Variants in PTPRD observed in about 807,000 individuals in gnomAD.
PTPRD encodes receptor-type tyrosine-protein phosphatase delta.
In PTPRD, 34 loss-of-function variants were observed where a neutral mutation model predicts 214.5. The ratio of observed to expected loss-of-function variants is 0.16; its 90% CI spans 0.12 to 0.21. The LOEUF (loss-of-function observed/expected upper bound fraction) is 0.21. Among genes scored for constraint, PTPRD ranks in the 10% least tolerant of loss-of-function variants. The pLI, the probability that PTPRD is intolerant of heterozygous loss-of-function variation, is 1.00. For synonymous variants in PTPRD, 1,128 were observed against 845.7 expected (o/e 1.33, Z -5.79); for missense variants, 2,545 against 2,398.7 (o/e 1.06, Z -1.27).
At chr9:9,955,975 G>T (rs887559585) in intron 4 of PTPRD, among the ~76,000 whole-genome samples, 5 of 152,004 alleles carry the variant, frequency 3.3e-5, no homozygotes, top group Non-Finnish European at 7.4e-5. Context: ...GTGGTGGGGG[G>T]GATCTAAAAT....
intron 11 of PTPRD, among the ~76,000 whole-genome samples, chr9:8,913,865 T>C (rs1465110850): frequency 6.6e-6 from 1 of 152,180 alleles, no homozygotes; most frequent in Non-Finnish European, 1.5e-5. Flanking sequence ...GATTAAATCC[T>C]GGACCATCTA....
intron 9 of PTPRD, among the ~76,000 whole-genome samples, chr9:9,198,371 C>G (rs1486526704): frequency 6.6e-6 from 1 of 151,560 alleles, no homozygotes; most frequent in African/African-American, 2.4e-5. Context: ...GGAAATTAAC[C>G]CTTATGTGAG....
intron 39 of PTPRD, among the ~76,000 whole-genome samples, chr9:8,359,136 A>AAAAAAG (rs2077779331): frequency 2.5e-5 from 1 of 39,934 alleles, no homozygotes; most frequent in African/African-American, 8.2e-5. Context: ...AAAAAAAAAA[A>AAAAAAG]AACAAAAAAA....
chr9:9,678,363 A>C (rs1271969784), intron 7 of PTPRD, among the ~76,000 whole-genome samples: 1 of 152,086 alleles, frequency 6.6e-6, no homozygotes, highest in African/African-American at 2.4e-5. Context: ...ACTGGTACCA[A>C]AACAGAGATA....
At chr9:8,506,390 T>C (rs1222906685) in intron 22 of PTPRD, among the ~76,000 whole-genome samples, 2 of 152,176 alleles carry the variant, frequency 1.3e-5, no homozygotes. Flanking sequence ...CTTACTACTA[T>C]TATGTATTCT....
At chr9:9,550,208 C>G (rs938706087) in intron 8 of PTPRD, among the ~76,000 whole-genome samples, 1 of 151,784 alleles carries the variant, frequency 6.6e-6, no homozygotes, top group South Asian at 2.1e-4. Context: ...AGAAATTCTG[C>G]CTAAGTTTCA....
intron 12 of PTPRD, among the ~76,000 whole-genome samples, chr9:8,642,716 T>A (rs1057416651): frequency 2.0e-5 from 3 of 152,196 alleles, no homozygotes; most frequent in Non-Finnish European, 1.5e-5. Flanking sequence ...TGAGTTACCA[T>A]GGGACTTTAC....
At chr9:10,408,349 T>C (rs2098398234) in intron 2 of PTPRD, among the ~76,000 whole-genome samples, 1 of 151,598 alleles carries the variant, frequency 6.6e-6, no homozygotes, top group East Asian at 2.0e-4. Flanking sequence ...GCCTGCTATG[T>C]AATGCTATAA....
intron 10 of PTPRD, among the ~76,000 whole-genome samples, chr9:9,181,350 TCTGA>T (rs1325893192): frequency 6.6e-6 from 1 of 151,962 alleles, no homozygotes; most frequent in Non-Finnish European, 1.5e-5. Context: ...TATGTTTTTT[TCTGA>T]CTGTGTGCTA....
chr9:8,808,033 A>G (rs1013386071), intron 11 of PTPRD, among the ~76,000 whole-genome samples: 45 of 152,174 alleles, frequency 3.0e-4, no homozygotes, highest in African/African-American at 1.0e-3. Flanking sequence ...TGAAAATGCT[A>G]TGCATTTTGC....
chr9:10,330,726 G>C (rs1320023854), intron 3 of PTPRD, among the ~76,000 whole-genome samples: 1 of 151,748 alleles, frequency 6.6e-6, no homozygotes, highest in African/African-American at 2.4e-5. Flanking sequence ...GTGGATGTAG[G>C]GTGTTAGGCT....
At chr9:8,859,215 T>C (rs1298219150) in intron 11 of PTPRD, among the ~76,000 whole-genome samples, 2 of 152,202 alleles carry the variant, frequency 1.3e-5, no homozygotes, top group African/African-American at 4.8e-5. Flanking sequence ...TGCTTTTATG[T>C]TGTTGGAAAT....
At chr9:10,051,006 C>G (rs539172849) in intron 3 of PTPRD, among the ~76,000 whole-genome samples, 8 of 151,808 alleles carry the variant, frequency 5.3e-5, no homozygotes, top group African/African-American at 1.9e-4. Context: ...ATATATTATC[C>G]CATGCTATGC....
At chr9:8,851,446 T>A (rs2097811304) in intron 11 of PTPRD, among the ~76,000 whole-genome samples, 1 of 152,168 alleles carries the variant, frequency 6.6e-6, no homozygotes, top group South Asian at 2.1e-4. Context: ...TTAATAAATG[T>A]GCTAAGCAGA....
chr9:10,231,109 A>C (rs944328968), intron 3 of PTPRD, among the ~76,000 whole-genome samples: 1 of 152,024 alleles, frequency 6.6e-6, no homozygotes, highest in African/African-American at 2.4e-5. Context: ...AAATCTGGTA[A>C]GTCTTAGGGA....
chr9:10,254,909 G>A (rs974257670), intron 3 of PTPRD, among the ~76,000 whole-genome samples: 1 of 152,250 alleles, frequency 6.6e-6, no homozygotes. Flanking sequence ...TCTGTTCTCT[G>A]ATGACTTTTA....
intron 11 of PTPRD, among the ~76,000 whole-genome samples, chr9:8,918,855 C>A (rs891433971): frequency 2.6e-5 from 4 of 152,004 alleles, no homozygotes; most frequent in African/African-American, 9.7e-5. Flanking sequence ...TTTGCACGGG[C>A]TAATTTCTAT....
intron 9 of PTPRD, among the ~76,000 whole-genome samples, chr9:9,185,421 C>G (rs1288018184): frequency 6.6e-6 from 1 of 152,010 alleles, no homozygotes; most frequent in Non-Finnish European, 1.5e-5. Flanking sequence ...GGGGCCACTT[C>G]CTAAGGGTCT....
At chr9:10,442,933 G>T (rs1430809729) in intron 2 of PTPRD, among the ~76,000 whole-genome samples, 1 of 151,316 alleles carries the variant, frequency 6.6e-6, no homozygotes, top group Non-Finnish European at 1.5e-5. Flanking sequence ...GTTGATTGTT[G>T]TATGTGTAGA....
Sources: gnomAD v4.1 joint callset for allele counts (sites outside exome capture counted in the v4.1 genomes callset) on GRCh38, gnomAD v4.1.1 for gene constraint, MANE v1.5 for transcripts, NCBI Gene and HGNC (gene_info 2026-07-23, HGNC 2026-07-21) for gene names.